The following PDZD2 variants were observed in gnomAD, a reference collection of about 807,000 sequenced individuals.
The protein encoded by PDZD2 is PDZ domain-containing protein 2.
In PDZD2, 90 loss-of-function variants were observed where a neutral mutation model predicts 220.7. The observed-to-expected ratio is 0.41, with a 90% CI of 0.34 to 0.49. The LOEUF (loss-of-function observed/expected upper bound fraction) is 0.49. Ranked by LOEUF, PDZD2 falls within the 20% of genes least tolerant of loss-of-function variation. The probability of loss-of-function intolerance (pLI) is 0.28; values close to 1 mark genes in which losing one functional copy is unlikely to be tolerated. For missense variants in PDZD2, 3,174 were observed against 3,608.5 expected (o/e 0.88, Z 3.08); for synonymous variants, 1,375 against 1,450.5 (o/e 0.95, Z 1.18).
intron 24 of PDZD2, among the ~76,000 whole-genome samples, chr5:32,106,944 G>A (rs1398594171): frequency 6.6e-6 from 1 of 152,182 alleles, no homozygotes; most frequent in Non-Finnish European, 1.5e-5. Flanking sequence ...TTGTCCTTGT[G>A]TGGGCTGGAT....
At chr5:31,927,837 AAG>A (rs1744931426) in intron 2 of PDZD2, among the ~76,000 whole-genome samples, 1 of 152,212 alleles carries the variant, frequency 6.6e-6, no homozygotes, top group African/African-American at 2.4e-5. Context: ...CCATGGGCCT[AAG>A]AGATGTGTGT....
At chr5:31,884,470 A>G (rs1032321008) in intron 2 of PDZD2, among the ~76,000 whole-genome samples, 1 of 152,122 alleles carries the variant, frequency 6.6e-6, no homozygotes, top group African/African-American at 2.4e-5. Flanking sequence ...GGAATTGGTG[A>G]GACCCTAGGA....
In PDZD2 at chr5:32,074,309, G is replaced by A. The variant is rs1741061438; in HGVS notation, c.3203G>A (p.Gly1068Glu). 1 of 1,614,068 alleles carries A rather than the reference G, an allele frequency of 6.2e-7. No homozygotes were observed. The highest frequency in any genetic ancestry group is 1.1e-5 in the South Asian group (1 of 91,094). ...NLTDSAEAPK[G>E]SPGSWWKKEL... ...ACGGACTCTGCAGAGGCCCCCAAGG[G>A]GAGCCCTGGAAGCTGGTGGAAGAAG... The change falls in exon 18 of 25, where the codon GGG becomes GAG. Residue 1068 changes from glycine (G) to glutamate (E), a missense_variant. Around this residue, in one of 4 missense-constraint regions of PDZD2, gnomAD observed 1,861 missense variants for 2,001.0 expected, o/e 0.93. Coordinates refer to ENST00000438447, the MANE Select transcript of PDZD2 (RefSeq NM_178140.4).
intron 2 of PDZD2, among the ~76,000 whole-genome samples, chr5:31,803,916 G>A (rs1032387042): frequency 5.9e-5 from 9 of 151,870 alleles, no homozygotes; most frequent in African/African-American, 1.7e-4. Flanking sequence ...GTGCACACCT[G>A]TAGTCCCAGC....
At chr5:31,938,993 G>A (rs984847229) in intron 2 of PDZD2, among the ~76,000 whole-genome samples, 5 of 152,162 alleles carry the variant, frequency 3.3e-5, no homozygotes, top group South Asian at 4.1e-4. Context: ...GTTTACTACC[G>A]GGACATTTCA....
chr5:32,108,043 G>C lies in PDZD2; in HGVS notation c.8428G>C (p.Gly2810Arg), dbSNP rs199610314. 6.2e-7 allele frequency: 1 copy of C among 1,610,826 alleles called. No homozygotes were observed. Among genetic ancestry groups the C allele is most frequent in the Non-Finnish European group, 8.5e-7 (1 of 1,177,144 alleles). The change falls in exon 25 of 25, where the codon GGG (glycine) becomes CGG (arginine). Residue 2810 changes from glycine to arginine, a missense_variant. Gly to Arg is a moderately radical substitution (Grantham distance 125, BLOSUM62 -2). Coordinates refer to ENST00000438447, the MANE Select transcript of PDZD2 (RefSeq NM_178140.4). Reference sequence around the variant, plus strand: ...TGCTATTAATGGGAAACCTCTGGTTGGGCTCATGCACTTTGATGCCTGGAA... The same window carrying C: ...TGCTATTAATGGGAAACCTCTGGTTCGGCTCATGCACTTTGATGCCTGGAA... ...ILAINGKPLV[G>R]LMHFDAWNIM... is the part of the protein sequence containing the mutation.
intron 3 of PDZD2, among the ~76,000 whole-genome samples, chr5:31,992,926 C>T (rs1023387419): frequency 6.6e-6 from 1 of 151,558 alleles, no homozygotes; most frequent in Non-Finnish European, 1.5e-5. Context: ...CACAGGGCTG[C>T]TCCCTATGCT....
At chr5:31,734,644 A>G (rs1449674845) in intron 1 of PDZD2, among the ~76,000 whole-genome samples, 1 of 152,124 alleles carries the variant, frequency 6.6e-6, no homozygotes, top group Admixed American at 6.5e-5. Flanking sequence ...TAGAGGCCTC[A>G]TTATGAGGCT....
intron 2 of PDZD2, among the ~76,000 whole-genome samples, chr5:31,906,557 T>G (rs1056199002): frequency 6.6e-6 from 1 of 152,028 alleles, no homozygotes; most frequent in African/African-American, 2.4e-5. Context: ...AAGAGACTAT[T>G]TATAGCCGGG....
intron 2 of PDZD2, among the ~76,000 whole-genome samples, chr5:31,856,928 ATATAT>A (rs1758502048): frequency 6.8e-6 from 1 of 146,822 alleles, no homozygotes; most frequent in African/African-American, 2.5e-5. Context: ...ATATATATAT[ATATAT>A]ATAACTTTAA....
At chr5:31,711,817 T>C (rs1181266620) in intron 1 of PDZD2, among the ~76,000 whole-genome samples, 2 of 152,218 alleles carry the variant, frequency 1.3e-5, no homozygotes, top group African/African-American at 4.8e-5. Context: ...GGCTTGTCTT[T>C]GTAAATCTGA....
chr5:31,958,605 A>C (rs1747940416), intron 2 of PDZD2, among the ~76,000 whole-genome samples: 1 of 151,266 alleles, frequency 6.6e-6, no homozygotes, highest in Admixed American at 6.6e-5. Context: ...TATTAGTTTT[A>C]AAGACAAGTT....
chr5:31,988,633 C>T (rs1750918972), intron 3 of PDZD2, among the ~76,000 whole-genome samples: 1 of 152,206 alleles, frequency 6.6e-6, no homozygotes, highest in Admixed American at 6.5e-5. Context: ...GGGGGTAGGG[C>T]AGAAAGTTGC....
At chr5:31,697,749 G>A (rs1254606588) in intron 1 of PDZD2, among the ~76,000 whole-genome samples, 2 of 152,126 alleles carry the variant, frequency 1.3e-5, no homozygotes, top group Non-Finnish European at 2.9e-5. Context: ...TGAGATTACT[G>A]TGCTCAGTAA....
chr5:31,925,244 C>T (rs139731206), intron 2 of PDZD2, among the ~76,000 whole-genome samples: 254 of 152,128 alleles, frequency 1.7e-3, no homozygotes, highest in African/African-American at 5.5e-3. Context: ...TAAAACAGCA[C>T]GGTACTGGTA....
At chr5:32,038,286 T>TG (rs1217503020) in intron 7 of PDZD2, among the ~76,000 whole-genome samples, 1 of 248 alleles carries the variant, frequency 4.0e-3, no homozygotes, top group African/African-American at 0.01. Context: ...ATCCCAACAC[T>TG]TGGGAGGCTG....
At chr5:31,878,235 G>A (rs1340634372) in intron 2 of PDZD2, among the ~76,000 whole-genome samples, 3 of 152,202 alleles carry the variant, frequency 2.0e-5, no homozygotes, top group African/African-American at 4.8e-5. Flanking sequence ...GCCTGGGAGC[G>A]CTATCCTGGG....
chr5:31,739,233 C>T (rs543731953), intron 1 of PDZD2, among the ~76,000 whole-genome samples: 1 of 152,238 alleles, frequency 6.6e-6, no homozygotes, highest in South Asian at 2.1e-4. Flanking sequence ...TTTTGGAAGG[C>T]ATGTGTGCAA....
intron 1 of PDZD2, among the ~76,000 whole-genome samples, chr5:31,677,293 C>A (rs1471497158): frequency 6.6e-6 from 1 of 152,000 alleles, no homozygotes; most frequent in African/African-American, 2.4e-5. Context: ...GAGACCCTGT[C>A]TCTAAAAAAA....
Sources: gnomAD v4.1 joint callset for allele counts (sites outside exome capture counted in the v4.1 genomes callset) on GRCh38, gnomAD v4.1.1 for gene constraint, gnomAD v4.1.1 regional missense constraint, MANE v1.5 for transcripts, NCBI Gene and HGNC (gene_info 2026-07-23, HGNC 2026-07-21) for gene names.